The following SYNE3 variants were observed in gnomAD, a reference collection of about 807,000 sequenced individuals.
SYNE3 encodes spectrin repeat containing nuclear envelope family member 3, also known as nesprin-3.
A neutral mutation model predicts 111.2 loss-of-function variants in SYNE3; 100 were observed. The observed-to-expected ratio is 0.90, with a 90% CI of 0.77 to 1.06. The LOEUF is 1.06. SYNE3 is among the 50% of genes least tolerant of loss of function. SYNE3 has a pLI of 0.00. For missense variants in SYNE3, 1,160 were observed against 1,240.3 expected, an observed-to-expected ratio of 0.94 and a Z score of 0.97; for synonymous variants, 547 against 533.9, an observed-to-expected ratio of 1.02 and a Z score of -0.34.
chr14:95,448,795 T>C (rs1015781730), intron 8 of SYNE3, among the ~76,000 whole-genome samples: 4 of 152,220 alleles, frequency 2.6e-5, no homozygotes, highest in Non-Finnish European at 4.4e-5. Flanking sequence ...GGCCAAGTAG[T>C]GTACCCAAGG....
chr14:95,479,166 G>A (rs781147889), intron 1 of SYNE3, among the ~76,000 whole-genome samples: 1 of 148,998 alleles, frequency 6.7e-6, no homozygotes, highest in Non-Finnish European at 1.5e-5. Context: ...AGGCTGATAC[G>A]GGAGGATCAC....
chr14:95,462,746 C>T (rs1244716630), intron 4 of SYNE3, among the ~76,000 whole-genome samples: 1 of 152,248 alleles, frequency 6.6e-6, no homozygotes, highest in African/African-American at 2.4e-5. Flanking sequence ...CAGGTGCAGA[C>T]ACTAACGCAG....
chr14:95,426,850 G>A (rs1373948251), intron 17 of SYNE3, among the ~76,000 whole-genome samples: 2 of 150,462 alleles, frequency 1.3e-5, no homozygotes, highest in Admixed American at 6.6e-5. Context: ...AGGCTGAGGC[G>A]GGAGAATGGC....
intron 1 of SYNE3, among the ~76,000 whole-genome samples, chr14:95,493,220 G>T (rs1165347917): frequency 6.6e-6 from 1 of 152,136 alleles, no homozygotes; most frequent in Non-Finnish European, 1.5e-5. Flanking sequence ...TTTTCCAAAT[G>T]GAGAACAGTA....
At chr14:95,458,569 C>A (rs116190273) in intron 4 of SYNE3, among the ~76,000 whole-genome samples, 1 of 152,194 alleles carries the variant, frequency 6.6e-6, no homozygotes, top group Non-Finnish European at 1.5e-5. Flanking sequence ...TAACCCCAGG[C>A]CCCCTTCTCA....
chr14:95,512,881 AAAAT>A (rs1270022362), intron 1 of SYNE3, among the ~76,000 whole-genome samples: 1 of 152,074 alleles, frequency 6.6e-6, no homozygotes, highest in Non-Finnish European at 1.5e-5. Context: ...ATACATACAT[AAAAT>A]AAATAAAAAA....
At chr14:95,432,640 T>C (rs1261157501) in intron 16 of SYNE3, among the ~76,000 whole-genome samples, 1 of 65,700 alleles carries the variant, frequency 1.5e-5, no homozygotes, top group Non-Finnish European at 3.1e-5. Flanking sequence ...TTGCTATTAT[T>C]ATTATTATTA....
At chr14:95,447,001 A>G (rs892221279) in intron 8 of SYNE3, among the ~76,000 whole-genome samples, 2 of 152,064 alleles carry the variant, frequency 1.3e-5, no homozygotes, top group Non-Finnish European at 2.9e-5. Flanking sequence ...GAGTTCTTTC[A>G]TTTTATACCT....
intron 1 of SYNE3, among the ~76,000 whole-genome samples, chr14:95,502,880 A>G (rs1012262156): frequency 7.9e-5 from 12 of 152,244 alleles, no homozygotes; most frequent in African/African-American, 2.9e-4. Context: ...TTTCTAAAGT[A>G]GAGCTCCATG....
chr14:95,489,212 G>A (rs1002118869), intron 1 of SYNE3, among the ~76,000 whole-genome samples: 6 of 152,210 alleles, frequency 3.9e-5, no homozygotes, highest in Non-Finnish European at 8.8e-5. Context: ...AAGACAAATG[G>A]AGTCACCCAC....
chr14:95,444,200 A>G (rs367776589), intron 10 of SYNE3: 14 of 454,086 alleles, frequency 3.1e-5, no homozygotes, highest in East Asian at 1.6e-4. Context: ...ATACTTAGCA[A>G]AGCAATTCTA....
At chr14:95,512,680 G>A (rs965720682) in intron 1 of SYNE3, among the ~76,000 whole-genome samples, 5 of 149,454 alleles carry the variant, frequency 3.3e-5, no homozygotes, top group East Asian at 2.0e-4. Context: ...ATGAAACCCC[G>A]TCTCTACTAA....
Position 95,467,929 on chromosome 14 carries a change from C to T in SYNE3, c.183G>A (p.Val61=), listed in dbSNP as rs781553064. The T allele has an allele frequency of 1.3e-5, 21 of 1,613,878 alleles. No individual in the cohort carries two copies. The highest frequency in any genetic ancestry group is 2.2e-5 in the East Asian group (1 of 44,874). ...CTTCAGCCATCCGTAGCACGAGGTC[C>T]ACCCTCACACGCCCCTCGGGCTCCA... ...CQLEPEGRVR[V]DLVLRMAEAL... The change falls in exon 3 of 18, where the codon GTG becomes GTA. Residue 61 remains valine, a synonymous_variant. Transcript: ENST00000682763.
chr14:95,473,126 A>G (rs546084147), intron 2 of SYNE3, among the ~76,000 whole-genome samples: 1 of 152,284 alleles, frequency 6.6e-6, no homozygotes, highest in East Asian at 1.9e-4. Context: ...TTGAAGTGGC[A>G]AAACACACAG....
At position 95,470,497 on chromosome 14, in the gene SYNE3, A is replaced by C. The variant is rs1317316238; in HGVS notation, c.145-2530T>G. On this transcript the variant is annotated intron_variant, in intron 2 of 17. Transcript: ENST00000682763. The surrounding 1 kb of genome is among the most constrained non-coding windows in gnomAD (Gnocchi z 4.2). ...GCATTTTTTTTAATTAAAAAAAAAA[A>C]AAAACTAGCCAGGCACAGTGGCATA... Among the ~76,000 whole-genome samples the C allele has an allele frequency of 6.6e-6, 1 of 151,882 alleles. No individual in the cohort carries two copies.
chr14:95,476,641 T>C (rs1042954882), intron 1 of SYNE3, among the ~76,000 whole-genome samples: 2 of 152,276 alleles, frequency 1.3e-5, no homozygotes, highest in African/African-American at 4.8e-5. Context: ...CAGGCAAAAC[T>C]CTTCTGTATT....
chr14:95,466,112 T>A lies in SYNE3; in HGVS notation c.446A>T (p.Lys149Met), dbSNP rs2139475984. 1.2e-6 allele frequency: 2 copies of A among 1,612,964 alleles called. No homozygotes were observed. Among genetic ancestry groups the A allele is most frequent in the South Asian group, 2.2e-5 (2 of 91,068 alleles). The change falls in exon 4 of 18, where the codon AAG (lysine) becomes ATG (methionine). Residue 149 changes from lysine (K) to methionine (M), a missense_variant. Physicochemically the swap from Lys to Met is moderately conservative, Grantham distance 95 (BLOSUM62 -1). Transcript: ENST00000682763. ...CTGGGCGTGGCTCAGCTGCCACTGC[T>A]TCTCCTTCAGGCCCAGCTGGAGCTC... is the stretch of plus-strand genomic sequence containing the variant. ...HIELQLGLKE[K>M]QWQLSHAQVL...
Position 95,450,041 on chromosome 14 carries a change from G to A in SYNE3, c.1339C>T (p.Arg447Trp), listed in dbSNP as rs1488537327. ...AAVELWQHFQ[R>W]PLQDLQLWKA... ...CACAGCTGCAGATCCTGCAGAGGCCGCTGGAAATGCTGCCACAGCTCCACC... is the reference window on the plus strand; with the variant it reads ...CACAGCTGCAGATCCTGCAGAGGCCACTGGAAATGCTGCCACAGCTCCACC... The change falls in exon 8 of 18, where the codon CGG (arginine) becomes TGG (tryptophan). Residue 447 changes from arginine (R) to tryptophan (W), a missense_variant. By Grantham distance (101) the Arg-to-Trp change is moderately radical. Coordinates refer to ENST00000682763, the MANE Select transcript of SYNE3 (RefSeq NM_152592.6). 8.3e-6 allele frequency: 13 copies of A among 1,563,382 alleles called. No individual in the cohort carries two copies. Among genetic ancestry groups the A allele is most frequent in the Admixed American group, 1.9e-5 (1 of 53,086 alleles).
chr14:95,445,888 C>G (rs1220250839), intron 9 of SYNE3, 21 bp downstream of exon 9: 1 of 1,609,692 alleles, frequency 6.2e-7, no homozygotes, highest in Admixed American at 1.7e-5. Flanking sequence ...AAGTCCCGAG[C>G]AGATGCCTGG....
Sources: allele counts gnomAD v4.1 joint callset (sites outside exome capture counted in the v4.1 genomes callset), GRCh38; gene constraint gnomAD v4.1.1; non-coding constraint Gnocchi (gnomAD v3.1); transcripts MANE v1.5; gene names NCBI Gene and HGNC (gene_info 2026-07-23, HGNC 2026-07-21).